ATCAY: variants seen among roughly 807,000 people sequenced by gnomAD.
The protein encoded by ATCAY is caytaxin.
In ATCAY, 22 loss-of-function variants were observed where a neutral mutation model predicts 47.7. That is an observed-to-expected ratio of 0.46 (90% CI 0.33 to 0.66). The LOEUF is 0.66. ATCAY is among the 30% of genes least tolerant of loss of function. The pLI, the probability that ATCAY is intolerant of heterozygous loss-of-function variation, is 0.02. For synonymous variants in ATCAY, 216 were observed against 207.6 expected, an observed-to-expected ratio of 1.04 and a Z score of -0.35; for missense variants, 452 against 515.0, an observed-to-expected ratio of 0.88 and a Z score of 1.18.
intron 6 of ATCAY, 46 bp from the exon 7 acceptor site, chr19:3,909,440 T>C: frequency 6.3e-7 from 1 of 1,597,472 alleles, no homozygotes; most frequent in Non-Finnish European, 8.5e-7. Flanking sequence ...GTCCTGACCC[T>C]GGACCCCTCC....
chr19:3,908,577 C>T (rs1011323221), intron 6 of ATCAY, among the ~76,000 whole-genome samples: 11 of 151,528 alleles, frequency 7.3e-5, no homozygotes, highest in Admixed American at 2.0e-4. Flanking sequence ...GTTCTCCTCC[C>T]CGTCCTCCTC....
At chr19:3,917,547 T>C (rs549323599) in intron 9 of ATCAY, among the ~76,000 whole-genome samples, 195 bp from the exon 10 acceptor site, 33 of 119,302 alleles carry the variant, frequency 2.8e-4, no homozygotes, top group African/African-American at 1.1e-3. Context: ...ATCGCACCAC[T>C]GCACTCCAGC....
intron 2 of ATCAY, among the ~76,000 whole-genome samples, chr19:3,901,722 C>T (rs1294447583): frequency 2.0e-5 from 3 of 152,110 alleles, no homozygotes; most frequent in Admixed American, 1.3e-4. Flanking sequence ...GCTGGGCGGG[C>T]GCGGTGGCTC....
intron 2 of ATCAY, among the ~76,000 whole-genome samples, chr19:3,898,891 A>C (rs2038791190): frequency 6.6e-6 from 1 of 152,218 alleles, no homozygotes; most frequent in African/African-American, 2.4e-5. Context: ...CGTGTTGGCC[A>C]GGATGGTCTC....
At chr19:3,887,707 C>G (rs975805120) in intron 2 of ATCAY, among the ~76,000 whole-genome samples, 6 of 150,304 alleles carry the variant, frequency 4.0e-5, no homozygotes, top group Middle Eastern at 3.4e-3. Flanking sequence ...AGGATGGTCT[C>G]GATCGTCTGA....
intron 2 of ATCAY, among the ~76,000 whole-genome samples, chr19:3,897,421 T>A (rs150189136): frequency 0.012 from 1,805 of 151,824 alleles, 24 homozygotes; most frequent in Non-Finnish European, 0.015. Context: ...CACCTTGGCT[T>A]CCCAAATAGC....
At chr19:3,894,268 A>T (rs941403534) in intron 2 of ATCAY, among the ~76,000 whole-genome samples, 1 of 151,990 alleles carries the variant, frequency 6.6e-6, no homozygotes, top group African/African-American at 2.4e-5. Context: ...GCAGGTCACG[A>T]GGTCAGGAGA....
intron 12 of ATCAY, among the ~76,000 whole-genome samples, chr19:3,923,593 CTGTG>C (rs906314335): frequency 7.1e-6 from 1 of 141,288 alleles, no homozygotes; most frequent in Non-Finnish European, 1.5e-5. Context: ...TGAAGGTTGA[CTGTG>C]TGGATGGATG....
intron 3 of ATCAY, among the ~76,000 whole-genome samples, chr19:3,903,345 G>A (rs2038831199): frequency 6.6e-6 from 1 of 152,098 alleles, no homozygotes; most frequent in Non-Finnish European, 1.5e-5. Flanking sequence ...GGGGATGGGA[G>A]TCCTGGGCGG....
chr19:3,903,265 C>T (rs888141864), intron 3 of ATCAY, among the ~76,000 whole-genome samples: 8 of 151,732 alleles, frequency 5.3e-5, no homozygotes, highest in African/African-American at 1.7e-4. Context: ...TGAGCCACCA[C>T]GCCTGGCATG....
In ATCAY at chr19:3,911,804, A is replaced by G. The variant is rs1000502926; in HGVS notation, c.866+915A>G. On this transcript the variant is annotated intron_variant, in intron 8 of 12. Coordinates refer to ENST00000450849, the MANE Select transcript of ATCAY (RefSeq NM_033064.5). ...CCCAGTTACAAATCTGGGATGAGCG[A>G]AAGAGACGAGGGCTTCACTTTCCCT... Among the ~76,000 whole-genome samples, 3 of 152,190 alleles carry G rather than the reference A, an allele frequency of 2.0e-5. No individual in the cohort carries two copies. In the East Asian group the frequency reaches 5.8e-4, roughly 29 times the overall value.
chr19:3,895,716 C>CTTTTTTT (rs537910730), intron 2 of ATCAY, among the ~76,000 whole-genome samples: 15 of 129,668 alleles, frequency 1.2e-4, no homozygotes, highest in South Asian at 2.5e-4. Context: ...CTTTTCTTTT[C>CTTTTTTT]TTTTTTTTTT....
At chr19:3,913,989 C>T in intron 9 of ATCAY, 133 bp downstream of exon 9, 1 of 711,074 alleles carries the variant, frequency 1.4e-6, no homozygotes, top group South Asian at 1.7e-5. Context: ...GTAATCCCAG[C>T]ACTTTGGGAG....
intron 10 of ATCAY, among the ~76,000 whole-genome samples, chr19:3,918,098 C>A (rs1179685804): frequency 1.3e-5 from 2 of 152,040 alleles, no homozygotes; most frequent in Non-Finnish European, 2.9e-5. Context: ...AAGACGGGCG[C>A]GGTGGCTCAC....
At chr19:3,924,557 C>A in intron 12 of ATCAY, 26 bp from the exon 13 acceptor site, 1 of 1,613,770 alleles carries the variant, frequency 6.2e-7, no homozygotes, top group Non-Finnish European at 8.5e-7. Context: ...ACAGCAATAA[C>A]TTGGCCTGTG....
intron 12 of ATCAY, among the ~76,000 whole-genome samples, chr19:3,921,407 G>A (rs2039018349): frequency 6.6e-6 from 1 of 151,602 alleles, no homozygotes; most frequent in African/African-American, 2.4e-5. Context: ...CACAGCCTGG[G>A]CAATAGGGCT....
chr19:3,909,541 C>A lies in ATCAY; in HGVS notation c.703C>A (p.Leu235Met). ...LVAEDYMIVY[L>M]NGATPRRRMP... ...GGCTGAGGACTACATGATCGTGTAC[C>A]TGAACGGTGCCACGCCCCGGCGGAG... The change falls in exon 7 of 13, where the codon CTG (leucine) becomes ATG (methionine). Residue 235 changes from leucine to methionine, a missense_variant. Transcript: ENST00000450849. The A allele has an allele frequency of 6.2e-7, 1 of 1,613,856 alleles. No homozygotes were observed.
At chr19:3,897,595 C>A (rs1270067471) in intron 2 of ATCAY, among the ~76,000 whole-genome samples, 1 of 151,948 alleles carries the variant, frequency 6.6e-6, no homozygotes, top group Non-Finnish European at 1.5e-5. Context: ...TCATGCCCAG[C>A]CAAAGCTTGC....
intron 2 of ATCAY, among the ~76,000 whole-genome samples, chr19:3,891,396 C>T (rs74809366): frequency 0.037 from 5,662 of 152,068 alleles, 158 homozygotes; most frequent in South Asian, 0.087. Context: ...CAGCCTACTA[C>T]GGAGCTAGAG....
Sources: allele counts gnomAD v4.1 joint callset (sites outside exome capture counted in the v4.1 genomes callset), GRCh38; gene constraint gnomAD v4.1.1; transcripts MANE v1.5; gene names NCBI Gene and HGNC (gene_info 2026-07-23, HGNC 2026-07-21).